Variants in CTNND2 observed in about 807,000 individuals in gnomAD.
CTNND2 encodes the protein catenin delta 2, also known as catenin delta-2.
Under a neutral mutation model 144.4 loss-of-function variants are expected in CTNND2, and 22 were observed. That is an observed-to-expected ratio of 0.15 (90% CI 0.11 to 0.22). The LOEUF is 0.22. Among genes scored for constraint, CTNND2 ranks in the 10% least tolerant of loss-of-function variants. The probability of loss-of-function intolerance (pLI) is 1.00; values close to 1 mark genes in which losing one functional copy is unlikely to be tolerated. For missense variants in CTNND2, 1,353 were observed against 1,618.8 expected, an observed-to-expected ratio of 0.84 and a Z score of 2.82; for synonymous variants, 751 against 695.6, an observed-to-expected ratio of 1.08 and a Z score of -1.25.
intron 1 of CTNND2, among the ~76,000 whole-genome samples, chr5:11,870,596 C>G (rs1176187853): frequency 1.3e-5 from 2 of 152,210 alleles, no homozygotes; most frequent in Non-Finnish European, 2.9e-5. Flanking sequence ...AAAAATGCAT[C>G]AAGTGCCTAG....
chr5:11,110,167 C>G (rs1454381976), intron 14 of CTNND2, among the ~76,000 whole-genome samples: 1 of 152,140 alleles, frequency 6.6e-6, no homozygotes, highest in Non-Finnish European at 1.5e-5. Flanking sequence ...GGAGCAGAGA[C>G]TGTTCTGATG....
chr5:11,415,364 G>A (rs751000489), intron 3 of CTNND2, among the ~76,000 whole-genome samples: 14 of 152,134 alleles, frequency 9.2e-5, no homozygotes, highest in Non-Finnish European at 1.8e-4. Flanking sequence ...AGTGATTTGG[G>A]AGGCTGAAGC....
chr5:11,515,771 A>G (rs1239726596), intron 3 of CTNND2, among the ~76,000 whole-genome samples: 2 of 152,210 alleles, frequency 1.3e-5, no homozygotes, highest in African/African-American at 4.8e-5. Context: ...TAAAAGGCTC[A>G]AAAACATTAT....
chr5:11,357,119 G>T (rs1352709623), intron 8 of CTNND2, among the ~76,000 whole-genome samples: 1 of 151,930 alleles, frequency 6.6e-6, no homozygotes. Context: ...ACAATATGTT[G>T]GTTCCTCAAA....
intron 2 of CTNND2, among the ~76,000 whole-genome samples, chr5:11,724,751 C>T (rs1786909702): frequency 6.6e-6 from 1 of 152,128 alleles, no homozygotes; most frequent in African/African-American, 2.4e-5. Context: ...ATGGACTAGA[C>T]TTTTATGTAA....
intron 16 of CTNND2, among the ~76,000 whole-genome samples, chr5:11,060,053 G>T (rs1746781913): frequency 6.6e-6 from 1 of 152,094 alleles, no homozygotes; most frequent in Non-Finnish European, 1.5e-5. Flanking sequence ...TATAACTTCT[G>T]GGAGCATTTG....
At chr5:11,857,384 T>C (rs1260709045) in intron 1 of CTNND2, among the ~76,000 whole-genome samples, 2 of 152,062 alleles carry the variant, frequency 1.3e-5, no homozygotes, top group Non-Finnish European at 2.9e-5. Context: ...GAAACAAAAA[T>C]GACAATGAGG....
chr5:11,782,599 G>GT (rs1377370405), intron 1 of CTNND2, among the ~76,000 whole-genome samples: 6 of 152,132 alleles, frequency 3.9e-5, no homozygotes, highest in Non-Finnish European at 7.4e-5. Context: ...TGCTAAAATA[G>GT]TTTAATAATG....
At chr5:11,146,088 A>C (rs1757219126) in intron 12 of CTNND2, among the ~76,000 whole-genome samples, 1 of 152,150 alleles carries the variant, frequency 6.6e-6, no homozygotes, top group African/African-American at 2.4e-5. Flanking sequence ...TTTTAATGAC[A>C]TTAAGTATCC....
chr5:11,435,288 G>A (rs1017933384), intron 3 of CTNND2, among the ~76,000 whole-genome samples: 5 of 151,946 alleles, frequency 3.3e-5, no homozygotes, highest in South Asian at 4.2e-4. Context: ...ACAGGTGGCC[G>A]CCACCAAGCC....
chr5:11,090,363 G>A (rs907043832), intron 15 of CTNND2, among the ~76,000 whole-genome samples: 15 of 152,226 alleles, frequency 9.9e-5, no homozygotes, highest in African/African-American at 3.6e-4. Context: ...TGCAATTGGT[G>A]GACTAGGACT....
At chr5:11,744,357 C>G (rs145615243) in intron 1 of CTNND2, among the ~76,000 whole-genome samples, 1 of 152,156 alleles carries the variant, frequency 6.6e-6, no homozygotes, top group Non-Finnish European at 1.5e-5. Flanking sequence ...GGAAGATGCG[C>G]GACGGCCAAG....
At chr5:11,496,158 ACT>A (rs1769916231) in intron 3 of CTNND2, among the ~76,000 whole-genome samples, 1 of 152,064 alleles carries the variant, frequency 6.6e-6, no homozygotes, top group Non-Finnish European at 1.5e-5. Context: ...CACCATGAAT[ACT>A]CTGCCAAGGG....
intron 1 of CTNND2, among the ~76,000 whole-genome samples, chr5:11,814,587 C>T (rs763336212): frequency 2.6e-5 from 4 of 152,226 alleles, no homozygotes; most frequent in Non-Finnish European, 4.4e-5. Context: ...TGGCCAGCTG[C>T]AAAGGGAAAG....
Position 11,176,265 on chromosome 5 carries a change from A to G in CTNND2, c.1976-16506T>C, listed in dbSNP as rs536452279. Among the ~76,000 whole-genome samples, 3 of 151,872 alleles carry G rather than the reference A, an allele frequency of 2.0e-5. No individual in the cohort carries two copies. The East Asian group carries it at 5.8e-4, about 30-fold the overall frequency. On this transcript the variant is annotated intron_variant, in intron 11 of 21. Coordinates refer to ENST00000304623, the MANE Select transcript of CTNND2 (RefSeq NM_001332.4). ...ATTTGTTTTCTACAGTGAATCCTCT[A>G]TTTAAAAATCCAGGGGACATTTATT... is the stretch of plus-strand genomic sequence containing the variant.
intron 1 of CTNND2, among the ~76,000 whole-genome samples, chr5:11,811,352 G>C (rs1364172539): frequency 6.6e-6 from 1 of 152,138 alleles, no homozygotes; most frequent in African/African-American, 2.4e-5. Flanking sequence ...TAATGGGATA[G>C]TGAAACTTCA....
At chr5:11,491,994 C>T (rs1769432347) in intron 3 of CTNND2, among the ~76,000 whole-genome samples, 1 of 152,126 alleles carries the variant, frequency 6.6e-6, no homozygotes, top group South Asian at 2.1e-4. Flanking sequence ...GGACAGCTGT[C>T]AAAAATCATC....
At chr5:11,388,093 G>A (rs902246809) in intron 6 of CTNND2, among the ~76,000 whole-genome samples, 1 of 152,122 alleles carries the variant, frequency 6.6e-6, no homozygotes, top group Admixed American at 6.5e-5. Context: ...AGATATTATA[G>A]GATCTTGGTA....
At chr5:11,222,111 T>C in intron 10 of CTNND2, among the ~76,000 whole-genome samples, 1 of 152,254 alleles carries the variant, frequency 6.6e-6, no homozygotes, top group East Asian at 1.9e-4. Context: ...TTCACACAGG[T>C]CATCTGTTTC....
Sources: gnomAD v4.1 joint callset for allele counts (sites outside exome capture counted in the v4.1 genomes callset) on GRCh38, gnomAD v4.1.1 for gene constraint, MANE v1.5 for transcripts, NCBI Gene and HGNC (gene_info 2026-07-23, HGNC 2026-07-21) for gene names.